Variants in C11orf65 observed in about 807,000 individuals in gnomAD.
C11orf65 encodes the protein chromosome 11 open reading frame 65, also known as protein MFI.
Under a neutral mutation model 35.3 loss-of-function variants are expected in C11orf65, and 38 were observed. The ratio of observed to expected loss-of-function variants is 1.08; its 90% CI spans 0.83 to 1.41. The LOEUF (loss-of-function observed/expected upper bound fraction) is 1.41. Ranked by LOEUF, C11orf65 falls within the 40% of genes most tolerant of loss-of-function variation. The probability of loss-of-function intolerance (pLI) is 0.00; values close to 1 mark genes in which losing one functional copy is unlikely to be tolerated. For missense variants in C11orf65, 370 were observed against 367.1 expected (o/e 1.01, Z -0.06); for synonymous variants, 105 against 114.4 (o/e 0.92, Z 0.53).
At chr11:108,334,792 GT>G (rs2086649535) in intron 3 of C11orf65, among the ~76,000 whole-genome samples, 2 of 152,186 alleles carry the variant, frequency 1.3e-5, no homozygotes, top group African/African-American at 4.8e-5. Flanking sequence ...TGATGAAACA[GT>G]AGTTAAAGTT....
intron 2 of C11orf65, among the ~76,000 whole-genome samples, chr11:108,341,734 T>A (rs2136896727): frequency 6.6e-6 from 1 of 152,298 alleles, no homozygotes; most frequent in East Asian, 1.9e-4. Context: ...AAGAATACAA[T>A]GATATTCAAC....
intron 2 of C11orf65, chr11:108,340,460 G>A (rs2087413212): frequency 2.0e-5 from 3 of 152,044 alleles, no homozygotes; most frequent in Admixed American, 2.0e-4. Flanking sequence ...CCAAGTAATG[G>A]GAGTCATTTT....
chr11:108,362,873 G>A (rs368462576), intron 2 of C11orf65, among the ~76,000 whole-genome samples: 20 of 151,160 alleles, frequency 1.3e-4, no homozygotes, highest in African/African-American at 4.6e-4. Flanking sequence ...TGGGTGCAGC[G>A]CACCAGCATG....
chr11:108,461,962 A>G (rs2093478681), intron 1 of C11orf65, among the ~76,000 whole-genome samples: 1 of 152,122 alleles, frequency 6.6e-6, no homozygotes, highest in South Asian at 2.1e-4. Flanking sequence ...TACCACTAGA[A>G]CTCAATGAAA....
chr11:108,327,587 C>A, downstream of C11orf65: 1 of 1,353,884 alleles, frequency 7.4e-7, no homozygotes, highest in Non-Finnish European at 1.1e-6. Context: ...ACATGAAGGG[C>A]AGTTGGGTAC....
chr11:108,400,261 G>A lies in C11orf65; in HGVS notation c.560+5168C>T, dbSNP rs182833522. On this transcript the variant is annotated intron_variant, in intron 6 of 8. Coordinates refer to ENST00000393084, the MANE Select transcript of C11orf65 (RefSeq NM_152587.5). ...GTACAGTAACTTGTCTCTCATTTTT[G>A]AAAGGATATCTCAAATGTCTTTAAG... Among the ~76,000 whole-genome samples, 215 of 152,246 alleles carry A rather than the reference G, an allele frequency of 1.4e-3. 1 individual carries two copies. Among genetic ancestry groups the A allele is most frequent in the Admixed American group, 4.0e-3 (61 of 15,294 alleles).
chr11:108,379,992 C>G (rs2091834874), downstream of C11orf65, among the ~76,000 whole-genome samples: 1 of 152,156 alleles, frequency 6.6e-6, no homozygotes, highest in African/African-American at 2.4e-5. Flanking sequence ...GGAATTATCT[C>G]CAGCAGATTT....
intron 2 of C11orf65, among the ~76,000 whole-genome samples, chr11:108,456,379 T>C (rs2093411748): frequency 6.6e-6 from 1 of 152,110 alleles, no homozygotes; most frequent in Non-Finnish European, 1.5e-5. Context: ...ATACTATATA[T>C]CAATCTGAAA....
chr11:108,366,039 A>C (rs2091307782), intron 2 of C11orf65: 1 of 173,790 alleles, frequency 5.8e-6, no homozygotes, highest in Non-Finnish European at 1.2e-5. Flanking sequence ...CAAAAAAAAA[A>C]AAAAAAAAAC....
chr11:108,362,952 TA>T (rs923571513), intron 2 of C11orf65, among the ~76,000 whole-genome samples: 5 of 151,408 alleles, frequency 3.3e-5, no homozygotes, highest in African/African-American at 1.2e-4. Flanking sequence ...AAGTATAATT[TA>T]AAAAAAACTA....
chr11:108,331,763 G>A (rs1214565954), intron 3 of C11orf65: 20 of 1,334,222 alleles, frequency 1.5e-5, no homozygotes, highest in African/African-American at 2.9e-5. Context: ...AGGCATACAC[G>A]CTCTACCCAC....
chr11:108,320,275 A>G (rs1174112645), intron 6 of C11orf65, among the ~76,000 whole-genome samples: 1 of 152,106 alleles, frequency 6.6e-6, no homozygotes. Context: ...CCTTCAAGAA[A>G]GTTTTGGTGA....
rs150301685 is a variant in C11orf65 at position 108,449,579 on chromosome 11, C to T, written c.81+11900G>A. Among the ~76,000 whole-genome samples, 484 of 152,040 alleles carry T rather than the reference C, an allele frequency of 3.2e-3. 9 individuals are homozygous for T. Among genetic ancestry groups the T allele is most frequent in the African/African-American group, 0.011 (467 of 41,342 alleles). ...AAATGGTGCTGGGAAAACTGGCTAG[C>T]CATAGGTAGAAAGCTGAAACTGGAT... On this transcript the variant is annotated intron_variant, in intron 2 of 8. Coordinates refer to ENST00000393084, the MANE Select transcript of C11orf65 (RefSeq NM_152587.5).
At chr11:108,435,659 A>G (rs1368795230) in intron 2 of C11orf65, among the ~76,000 whole-genome samples, 1 of 152,224 alleles carries the variant, frequency 6.6e-6, no homozygotes, top group Non-Finnish European at 1.5e-5. Flanking sequence ...AAAAGTTAAA[A>G]ATACCAGCTA....
At chr11:108,420,012 T>C (rs893912640) in intron 3 of C11orf65, among the ~76,000 whole-genome samples, 2 of 152,200 alleles carry the variant, frequency 1.3e-5, no homozygotes, top group Admixed American at 6.5e-5. Context: ...AAATAATCAA[T>C]GTACACATTA....
At chr11:108,403,978 C>T (rs1267194726) in intron 6 of C11orf65, among the ~76,000 whole-genome samples, 1 of 152,136 alleles carries the variant, frequency 6.6e-6, no homozygotes, top group Non-Finnish European at 1.5e-5. Context: ...CTTTGGTGAG[C>T]ATTCACATAC....
At chr11:108,420,466 C>A (rs563299861) in intron 3 of C11orf65, among the ~76,000 whole-genome samples, 1 of 152,138 alleles carries the variant, frequency 6.6e-6, no homozygotes, top group Non-Finnish European at 1.5e-5. Context: ...CATCTCCTCA[C>A]CCACCACATT....
At chr11:108,334,004 A>G (rs765435200) in intron 3 of C11orf65, 2 of 1,518,142 alleles carry the variant, frequency 1.3e-6, no homozygotes, top group Non-Finnish European at 1.8e-6. Flanking sequence ...TTTTTAAACT[A>G]AATTTTTTTT....
chr11:108,325,228 G>C (rs1388560633), intron 6 of C11orf65: 1 of 941,974 alleles, frequency 1.1e-6, no homozygotes, highest in African/African-American at 1.8e-5. Context: ...ATATTATATC[G>C]TAAGTTCCAG....
Sources: allele counts gnomAD v4.1 joint callset (sites outside exome capture counted in the v4.1 genomes callset), GRCh38; gene constraint gnomAD v4.1.1; transcripts MANE v1.5; gene names NCBI Gene and HGNC (gene_info 2026-07-23, HGNC 2026-07-21).